The following RNF216 variants were observed in gnomAD, a reference collection of about 807,000 sequenced individuals.
RNF216 encodes the protein ring finger protein 216.
Under a neutral mutation model 110.8 loss-of-function variants are expected in RNF216, and 72 were observed. That is an observed-to-expected ratio of 0.65 (90% CI 0.54 to 0.79). The LOEUF (loss-of-function observed/expected upper bound fraction) is 0.79. RNF216 is among the 30% of genes least tolerant of loss of function. RNF216 has a pLI of 0.00. For synonymous variants in RNF216, 495 were observed against 407.5 expected (o/e 1.21, Z -2.59); for missense variants, 1,342 against 1,141.2 (o/e 1.18, Z -2.54).
At chr7:5,673,848 CTCTT>C (rs761415654) in intron 13 of RNF216, among the ~76,000 whole-genome samples, 1 of 146,890 alleles carries the variant, frequency 6.8e-6, no homozygotes, top group African/African-American at 2.5e-5. Context: ...CTCCATCTCT[CTCTT>C]TCTCTCATTT....
At chr7:5,755,043 A>G (rs1795547423) in intron 2 of RNF216, among the ~76,000 whole-genome samples, 1 of 147,242 alleles carries the variant, frequency 6.8e-6, no homozygotes, top group African/African-American at 2.5e-5. Context: ...AAAAAAAAAA[A>G]AGGAAACAAG....
intron 13 of RNF216, among the ~76,000 whole-genome samples, chr7:5,679,063 A>G (rs1405450303): frequency 6.6e-6 from 1 of 152,262 alleles, no homozygotes; most frequent in Admixed American, 6.5e-5. Context: ...TACAGAGATT[A>G]GATACAGTGG....
intron 6 of RNF216, 74 bp from the exon 7 acceptor site, chr7:5,729,670 T>A: frequency 8.2e-7 from 1 of 1,226,500 alleles, no homozygotes; most frequent in South Asian, 1.3e-5. Context: ...ATTTTAAGAA[T>A]TACATGTGTA....
At chr7:5,640,985 G>T (rs1787699095) in intron 15 of RNF216, among the ~76,000 whole-genome samples, 169 bp downstream of exon 15, 1 of 152,218 alleles carries the variant, frequency 6.6e-6, no homozygotes, top group Non-Finnish European at 1.5e-5. Context: ...GCAGCATGAG[G>T]AGTAGCTGAT....
chr7:5,779,536 C>A (rs529433249), intron 1 of RNF216, among the ~76,000 whole-genome samples: 5 of 151,954 alleles, frequency 3.3e-5, no homozygotes, highest in African/African-American at 1.2e-4. Flanking sequence ...TCTCTCCCTT[C>A]TCAGCGCGTA....
chr7:5,743,038 G>A (rs1489956975), intron 3 of RNF216, among the ~76,000 whole-genome samples: 6 of 152,110 alleles, frequency 3.9e-5, no homozygotes, highest in Admixed American at 6.6e-5. Context: ...CAAGGCAGGC[G>A]GATCACGAGG....
intron 13 of RNF216, among the ~76,000 whole-genome samples, chr7:5,681,756 G>A (rs138845527): frequency 6.6e-4 from 100 of 152,244 alleles, no homozygotes; most frequent in Non-Finnish European, 1.0e-3. Flanking sequence ...TCAACACTCC[G>A]GCTTACTGAC....
intron 15 of RNF216, among the ~76,000 whole-genome samples, chr7:5,631,450 G>C (rs1040517079): frequency 6.6e-6 from 1 of 152,146 alleles, no homozygotes; most frequent in African/African-American, 2.4e-5. Context: ...GTGCCTCCCT[G>C]GGTCACTGGT....
At chr7:5,654,746 G>C (rs1462387938) in intron 13 of RNF216, among the ~76,000 whole-genome samples, 1 of 146,396 alleles carries the variant, frequency 6.8e-6, no homozygotes, top group Non-Finnish European at 1.5e-5. Context: ...GGGTGGGGCA[G>C]AGAGGAGCTG....
chr7:5,646,433 C>T (rs979861911), intron 14 of RNF216, among the ~76,000 whole-genome samples: 5 of 151,934 alleles, frequency 3.3e-5, no homozygotes, highest in Admixed American at 6.6e-5. Context: ...GTGGCTCACA[C>T]CTGTAATCCC....
intron 13 of RNF216, among the ~76,000 whole-genome samples, chr7:5,702,725 T>C (rs1208014733): frequency 2.0e-5 from 3 of 152,240 alleles, no homozygotes; most frequent in Non-Finnish European, 2.9e-5. Flanking sequence ...ACTATGCTTT[T>C]AAATTTTAAA....
At chr7:5,735,299 T>A (rs756608908) in intron 5 of RNF216, among the ~76,000 whole-genome samples, 1 of 152,136 alleles carries the variant, frequency 6.6e-6, no homozygotes, top group Non-Finnish European at 1.5e-5. Flanking sequence ...ACTCAAGATA[T>A]GAGCTTAGAG....
At chr7:5,665,566 G>C (rs1048595077) in intron 13 of RNF216, among the ~76,000 whole-genome samples, 1 of 152,040 alleles carries the variant, frequency 6.6e-6, no homozygotes, top group African/African-American at 2.4e-5. Flanking sequence ...CTGCCCCCTA[G>C]GGATGGAAAG....
intron 3 of RNF216, among the ~76,000 whole-genome samples, chr7:5,751,017 G>A (rs1468319700): frequency 6.6e-6 from 1 of 152,222 alleles, no homozygotes; most frequent in Non-Finnish European, 1.5e-5. Flanking sequence ...TAGCTATTTG[G>A]TTTTAGTTGG....
At chr7:5,761,495 AATT>A (rs1354430321) in intron 1 of RNF216, among the ~76,000 whole-genome samples, 1 of 152,158 alleles carries the variant, frequency 6.6e-6, no homozygotes. Flanking sequence ...TCAGAAAATG[AATT>A]ATGTTTCAGC....
At chr7:5,727,208 C>G (rs1793814755) in intron 7 of RNF216, among the ~76,000 whole-genome samples, 1 of 152,214 alleles carries the variant, frequency 6.6e-6, no homozygotes, top group African/African-American at 2.4e-5. Flanking sequence ...GATCTCATCT[C>G]TCTTTCAATG....
intron 3 of RNF216, among the ~76,000 whole-genome samples, chr7:5,742,722 A>G (rs1320441905): frequency 6.7e-6 from 1 of 149,590 alleles, no homozygotes; most frequent in Non-Finnish European, 1.5e-5. Flanking sequence ...CAGCCTCCCG[A>G]GTAGCTGGGA....
intron 1 of RNF216, among the ~76,000 whole-genome samples, chr7:5,768,031 C>T (rs1218269812): frequency 6.6e-6 from 1 of 152,078 alleles, no homozygotes; most frequent in African/African-American, 2.4e-5. Context: ...TAATAAAGAG[C>T]AAACCATGAC....
At chr7:5,771,354 T>TA (rs1471141658) in intron 1 of RNF216, among the ~76,000 whole-genome samples, 1 of 152,010 alleles carries the variant, frequency 6.6e-6, no homozygotes, top group Non-Finnish European at 1.5e-5. Context: ...AAAGATACCC[T>TA]AAACAGGACA....
Sources: allele counts gnomAD v4.1 joint callset (sites outside exome capture counted in the v4.1 genomes callset), GRCh38; gene constraint gnomAD v4.1.1; transcripts MANE v1.5; gene names NCBI Gene and HGNC (gene_info 2026-07-23, HGNC 2026-07-21).